Variants in EML6 observed in about 807,000 individuals in gnomAD.
The protein encoded by EML6 is EMAP like 6, also known as echinoderm microtubule-associated protein-like 6.
In EML6, 154 loss-of-function variants were observed where a neutral mutation model predicts 240.1. That is an observed-to-expected ratio of 0.64 (90% CI 0.56 to 0.73). The LOEUF is 0.73. EML6 is among the 30% of genes least tolerant of loss of function. The pLI is 0.00. For synonymous variants in EML6, 1,148 were observed against 899.0 expected, an observed-to-expected ratio of 1.28 and a Z score of -4.95; for missense variants, 2,964 against 2,474.6, an observed-to-expected ratio of 1.20 and a Z score of -4.20.
rs947251614 is a variant in EML6 at position 54,928,495 on chromosome 2, C to T, written c.3858C>T (p.Thr1286=). 1.0e-5 allele frequency: 16 copies of T among 1,545,546 alleles called. No homozygotes were observed. Among genetic ancestry groups the T allele is most frequent in the African/African-American group, 2.7e-5 (2 of 73,022 alleles). The part of the protein sequence containing the change: ...SKLVDSEESD[T]DVEEDGGYDS... ...TGGTGGACAGCGAGGAGTCAGACAC[C>T]GACGTGGAAGAGGATGGAGGTGAGC... The change falls in exon 27 of 42, where the codon ACC becomes ACT. Residue 1286 remains threonine (T), a synonymous_variant. Coordinates refer to ENST00000356458, the MANE Select transcript of EML6 (RefSeq NM_001039753.4).
chr2:54,922,739 A>C (rs1366661142), intron 26 of EML6, among the ~76,000 whole-genome samples: 2 of 152,160 alleles, frequency 1.3e-5, no homozygotes, highest in East Asian at 3.8e-4. Context: ...AAATCCTGTC[A>C]TTTGCAATAA....
At chr2:54,871,150 C>T (rs533160360) in intron 15 of EML6, among the ~76,000 whole-genome samples, 1 of 152,170 alleles carries the variant, frequency 6.6e-6, no homozygotes, top group African/African-American at 2.4e-5. Context: ...CAAGTGACTT[C>T]CCTGACTGAG....
chr2:54,866,978 C>T (rs1671003950), intron 14 of EML6, 94 bp downstream of exon 14: 1 of 659,484 alleles, frequency 1.5e-6, no homozygotes, highest in South Asian at 1.9e-5. Context: ...CCCCTCCCCT[C>T]AGTGTCGTCC....
intron 2 of EML6, among the ~76,000 whole-genome samples, chr2:54,732,494 C>G (rs548443888): frequency 2.0e-5 from 3 of 152,122 alleles, no homozygotes; most frequent in Admixed American, 2.0e-4. Context: ...AGGGGTCCAA[C>G]TTTATTCTCT....
rs34233616 is a variant in EML6 at position 54,850,578 on chromosome 2, G to GAA, written c.1444+368_1444+369dup. 8.1e-3 allele frequency among the ~76,000 whole-genome samples: 1,217 copies of GAA among 150,420 alleles called. 18 individuals carry two copies. Among genetic ancestry groups the GAA allele is most frequent in the African/African-American group, 0.028 (1,165 of 40,904 alleles). ...AAGAATGCCTAAGGATAAGAGCAAG[G>GAA]AAAAAAAAACATTAGAAAAATGGGC... On this transcript the variant is annotated intron_variant, in intron 10 of 41. Coordinates refer to ENST00000356458, the MANE Select transcript of EML6 (RefSeq NM_001039753.4).
intron 17 of EML6, among the ~76,000 whole-genome samples, chr2:54,886,412 C>G (rs530263526): frequency 1.3e-5 from 2 of 152,108 alleles, no homozygotes; most frequent in Admixed American, 6.5e-5. Context: ...TCAGGTGATC[C>G]GCCCACCTCA....
At chr2:54,813,135 C>A in intron 2 of EML6, 97 bp from the exon 3 acceptor site, 2 of 855,486 alleles carry the variant, frequency 2.3e-6, no homozygotes, top group Non-Finnish European at 3.6e-6. Context: ...CTTGAGATCA[C>A]CTTGTTAGAT....
At chr2:54,742,277 T>G (rs894465470) in intron 2 of EML6, among the ~76,000 whole-genome samples, 20 of 152,270 alleles carry the variant, frequency 1.3e-4, no homozygotes, top group Non-Finnish European at 2.5e-4. Context: ...TCCCCGACTT[T>G]CCTACCTTTG....
Position 54,850,021 on chromosome 2 carries a change from T to G in EML6, c.1247T>G (p.Phe416Cys). 1 of 1,551,722 alleles carries G rather than the reference T, an allele frequency of 6.4e-7. No individual in the cohort carries two copies. The highest frequency in any genetic ancestry group is 2.0e-5 in the Admixed American group (1 of 51,010). The change falls in exon 10 of 42, where the codon TTT (phenylalanine) becomes TGT (cysteine). Residue 416 changes from phenylalanine (F) to cysteine (C), a missense_variant. Transcript: ENST00000356458. Reference protein sequence around the residue: ...DRKEVIHEMKFSPDGSYLAVG... With the variant: ...DRKEVIHEMKCSPDGSYLAVG... ...AAAGAAGTCATTCATGAAATGAAAT[T>G]TTCTCCAGATGGTTCTTACCTTGCA...
intron 28 of EML6, 122 bp downstream of exon 28, chr2:54,928,873 C>G: frequency 1.7e-6 from 2 of 1,181,134 alleles, no homozygotes; most frequent in Non-Finnish European, 2.4e-6. Context: ...TAAATCTTCA[C>G]AGAGTCTTCA....
Position 54,937,318 on chromosome 2 carries a change from G to A in EML6, c.4004+8567G>A, listed in dbSNP as rs9808435. On this transcript the variant is annotated intron_variant, in intron 28 of 41. Transcript: ENST00000356458. The stretch of plus-strand genomic sequence containing the variant: ...AGAAGTCTTAGGCTAAGCATGGTGG[G>A]GCAAGCCGGTTATCCCAGCACTTTG... Among the ~76,000 whole-genome samples, 77 of 150,798 alleles carry A rather than the reference G, an allele frequency of 5.1e-4. 1 individual carries two copies. The highest frequency in any genetic ancestry group is 1.8e-3 in the African/African-American group (75 of 41,100).
rs148198026 is a variant in EML6 at position 54,815,417 on chromosome 2, C to G, written c.358-1370C>G. Among the ~76,000 whole-genome samples, 17 of 152,270 alleles carry G rather than the reference C, an allele frequency of 1.1e-4. No individual in the cohort carries two copies. The East Asian group carries it at 2.7e-3, about 24-fold the overall frequency. ...AAATGGTCCATCACCTCACAATAGA[C>G]AAAAGGCAATAAAAATGCTTTTCAG... On this transcript the variant is annotated intron_variant, in intron 3 of 41. Coordinates refer to ENST00000356458, the MANE Select transcript of EML6 (RefSeq NM_001039753.4).
intron 26 of EML6, among the ~76,000 whole-genome samples, chr2:54,924,395 G>T (rs1208929411): frequency 6.6e-6 from 1 of 151,790 alleles, no homozygotes; most frequent in East Asian, 1.9e-4. Context: ...GGAAGTATCT[G>T]TACAAATCTT....
chr2:54,970,004 T>C, intron 41 of EML6, 67 bp from the exon 42 acceptor site: 3 of 1,522,812 alleles, frequency 2.0e-6, no homozygotes, highest in Non-Finnish European at 2.7e-6. Context: ...GGCAAGATTG[T>C]TTTTTGCCAC....
intron 10 of EML6, among the ~76,000 whole-genome samples, chr2:54,852,119 C>G (rs1010381192): frequency 6.6e-6 from 1 of 152,074 alleles, no homozygotes; most frequent in Non-Finnish European, 1.5e-5. Context: ...TGTTTTAGTC[C>G]CAGATCTTTG....
chr2:54,761,840 A>G (rs1235702510), intron 2 of EML6, among the ~76,000 whole-genome samples: 3 of 151,762 alleles, frequency 2.0e-5, no homozygotes, highest in African/African-American at 7.3e-5. Context: ...CTCTTTATAG[A>G]TACGCATTAG....
intron 2 of EML6, among the ~76,000 whole-genome samples, chr2:54,745,107 A>C (rs1683856805): frequency 6.6e-6 from 1 of 152,138 alleles, no homozygotes; most frequent in East Asian, 1.9e-4. Flanking sequence ...TAAGGCAGGA[A>C]GGATTCTCCG....
intron 28 of EML6, among the ~76,000 whole-genome samples, chr2:54,942,295 A>C (rs957788479): frequency 6.6e-6 from 1 of 152,232 alleles, no homozygotes; most frequent in African/African-American, 2.4e-5. Context: ...TCATCAAATC[A>C]AACCTACTCA....
At chr2:54,930,953 CTTTTTTTTTTT>C (rs34403438) in intron 28 of EML6, among the ~76,000 whole-genome samples, 7 of 104,620 alleles carry the variant, frequency 6.7e-5, no homozygotes, top group Non-Finnish European at 7.4e-5. Context: ...CCGTAGGCAT[CTTTTTTTTTTT>C]TTTTTTTTTT....
Sources: gnomAD v4.1 joint callset for allele counts (sites outside exome capture counted in the v4.1 genomes callset) on GRCh38, gnomAD v4.1.1 for gene constraint, MANE v1.5 for transcripts, NCBI Gene and HGNC (gene_info 2026-07-23, HGNC 2026-07-21) for gene names.